STARD13: variants seen among roughly 807,000 people sequenced by gnomAD.
The protein encoded by STARD13 is stAR-related lipid transfer protein 13.
A neutral mutation model predicts 106.4 loss-of-function variants in STARD13; 62 were observed. The ratio of observed to expected loss-of-function variants is 0.58; its 90% CI spans 0.48 to 0.72. STARD13 has a LOEUF of 0.72. Among genes scored for constraint, STARD13 ranks in the 30% least tolerant of loss-of-function variants. STARD13 has a pLI of 0.00. For synonymous variants in STARD13, 565 were observed against 553.0 expected, an observed-to-expected ratio of 1.02 and a Z score of -0.31; for missense variants, 1,387 against 1,424.0, an observed-to-expected ratio of 0.97 and a Z score of 0.42.
chr13:33,616,009 A>T, the STARD13 span, among the ~76,000 whole-genome samples: 22 of 152,270 alleles, frequency 1.4e-4, no homozygotes, highest in Non-Finnish European at 2.5e-4. Flanking sequence ...AATTTGTATT[A>T]TTTATTTTGT....
At chr13:33,178,896 A>G (rs1884967467) in intron 1 of STARD13, among the ~76,000 whole-genome samples, 1 of 152,238 alleles carries the variant, frequency 6.6e-6, no homozygotes, top group South Asian at 2.1e-4. Flanking sequence ...TCTGGAGTCT[A>G]TGTGACTCCC....
the STARD13 span, among the ~76,000 whole-genome samples, chr13:33,625,591 A>C: frequency 6.6e-6 from 1 of 151,980 alleles, no homozygotes; most frequent in African/African-American, 2.4e-5. Flanking sequence ...AAAATAAAAA[A>C]GAAGTTGTCA....
intron 1 of STARD13, among the ~76,000 whole-genome samples, chr13:33,239,475 A>G (rs560899267): frequency 1.6e-4 from 24 of 152,228 alleles, no homozygotes; most frequent in African/African-American, 5.5e-4. Context: ...TAGCAGCTGC[A>G]CTGTTTTTTA....
chr13:33,404,340 G>A, the STARD13 span, among the ~76,000 whole-genome samples: 1 of 152,170 alleles, frequency 6.6e-6, no homozygotes, highest in African/African-American at 2.4e-5. Flanking sequence ...AACAGGATGT[G>A]TTTTCCCACA....
At chr13:33,333,703 T>C (rs1009628556) in intron 1 of STARD13, 3 of 152,172 alleles carry the variant, frequency 2.0e-5, no homozygotes, top group African/African-American at 7.2e-5. Flanking sequence ...CTTTAATCAG[T>C]CACTGAGTCA....
At chr13:33,287,495 CA>C (rs1892113578), upstream of STARD13, among the ~76,000 whole-genome samples, 1 of 152,220 alleles carries the variant, frequency 6.6e-6, no homozygotes, top group South Asian at 2.1e-4. Flanking sequence ...CCATACTGTG[CA>C]CTTTCCATTC....
chr13:33,565,017 A>C, the STARD13 span, among the ~76,000 whole-genome samples: 1 of 146,818 alleles, frequency 6.8e-6, no homozygotes, highest in South Asian at 2.2e-4. Context: ...AAAAAAGAAA[A>C]AAAAATCCTG....
At chr13:33,638,551 C>T in the STARD13 span, among the ~76,000 whole-genome samples, 1 of 152,098 alleles carries the variant, frequency 6.6e-6, no homozygotes, top group Non-Finnish European at 1.5e-5. Context: ...TTGTAGAGAC[C>T]AAGTTCCTTA....
At chr13:33,268,662 C>T (rs541233346) in intron 1 of STARD13, among the ~76,000 whole-genome samples, 7 of 152,346 alleles carry the variant, frequency 4.6e-5, no homozygotes, top group South Asian at 2.1e-4. Flanking sequence ...GTCCAGCTAA[C>T]GCCAAAGCCA....
intron 1 of STARD13, among the ~76,000 whole-genome samples, chr13:33,230,078 C>G (rs1473389159): frequency 6.6e-6 from 1 of 152,132 alleles, no homozygotes; most frequent in Non-Finnish European, 1.5e-5. Flanking sequence ...GGCCTGGAAG[C>G]GAATTTGCAA....
chr13:33,284,542 G>T (rs1891960536), intron 1 of STARD13, among the ~76,000 whole-genome samples: 1 of 151,124 alleles, frequency 6.6e-6, no homozygotes, highest in Non-Finnish European at 1.5e-5. Context: ...CGTGTGTTAG[G>T]GGCTTCTTAG....
chr13:33,545,648 G>A, the STARD13 span, among the ~76,000 whole-genome samples: 1 of 152,154 alleles, frequency 6.6e-6, no homozygotes, highest in Admixed American at 6.5e-5. Context: ...CCTGACACAG[G>A]GCTTGATGCC....
the STARD13 span, among the ~76,000 whole-genome samples, chr13:33,423,393 G>A: frequency 6.6e-6 from 1 of 152,172 alleles, no homozygotes; most frequent in African/African-American, 2.4e-5. Flanking sequence ...ACCACAATGA[G>A]ATACCATCTC....
intron 1 of STARD13, among the ~76,000 whole-genome samples, chr13:33,238,042 T>C (rs1566091028): frequency 1.3e-5 from 2 of 152,240 alleles, no homozygotes. Context: ...AAATATGTTT[T>C]GAGATTAGCT....
At chr13:33,140,055 T>C (rs375220712) in intron 4 of STARD13, among the ~76,000 whole-genome samples, 1 of 152,204 alleles carries the variant, frequency 6.6e-6, no homozygotes, top group African/African-American at 2.4e-5. Flanking sequence ...CTAGATGCGA[T>C]ATAAAGACTA....
At chr13:33,546,174 A>G in the STARD13 span, among the ~76,000 whole-genome samples, 1 of 152,166 alleles carries the variant, frequency 6.6e-6, no homozygotes, top group Non-Finnish European at 1.5e-5. Flanking sequence ...ATTTTCTTTC[A>G]AAAATAATTC....
intron 1 of STARD13, among the ~76,000 whole-genome samples, chr13:33,249,654 C>G (rs1889997470): frequency 2.0e-5 from 3 of 152,178 alleles, no homozygotes; most frequent in Admixed American, 2.0e-4. Context: ...CTGTCTGTAT[C>G]AATTAATACA....
chr13:33,203,183 GGCCACCACACAC>G (rs1235054493), intron 1 of STARD13, among the ~76,000 whole-genome samples: 7 of 152,112 alleles, frequency 4.6e-5, no homozygotes, highest in Non-Finnish European at 8.8e-5. Flanking sequence ...AGATTCTAGG[GGCCACCACACAC>G]CTGTGTTCAC....
At chr13:33,153,335 C>T (rs1188798560) in intron 3 of STARD13, among the ~76,000 whole-genome samples, 2 of 152,138 alleles carry the variant, frequency 1.3e-5, no homozygotes, top group Non-Finnish European at 2.9e-5. Flanking sequence ...CGGTCGTCAG[C>T]AGAAAATCGA....
Sources: gnomAD v4.1 joint callset for allele counts (sites outside exome capture counted in the v4.1 genomes callset) on GRCh38, gnomAD v4.1.1 for gene constraint, MANE v1.5 for transcripts, NCBI Gene and HGNC (gene_info 2026-07-23, HGNC 2026-07-21) for gene names.